TLCD4: variants seen among roughly 807,000 people sequenced by gnomAD.
The protein encoded by TLCD4 is TLC domain containing 4, also known as TLC domain-containing protein 4.
In TLCD4, 7 loss-of-function variants were observed where a neutral mutation model predicts 24.2. The observed-to-expected ratio is 0.29, with a 90% CI of 0.16 to 0.54. TLCD4 has a LOEUF of 0.54. Ranked by LOEUF, TLCD4 falls within the 20% of genes least tolerant of loss-of-function variation. The pLI is 0.95. For missense variants in TLCD4, 259 were observed against 313.9 expected (o/e 0.82, Z 1.32); for synonymous variants, 103 against 106.4 (o/e 0.97, Z 0.20).
At chr1:95,168,863 T>C (rs1354832568) in intron 5 of TLCD4, among the ~76,000 whole-genome samples, 1 of 152,180 alleles carries the variant, frequency 6.6e-6, no homozygotes, top group Non-Finnish European at 1.5e-5. Context: ...ACAGGAAATG[T>C]AGATATTTGC....
chr1:95,115,187 A>G (rs1405709860), upstream of TLCD4, among the ~76,000 whole-genome samples: 2 of 151,182 alleles, frequency 1.3e-5, no homozygotes, highest in African/African-American at 2.4e-5. Context: ...GGCTCACACA[A>G]CCTCTGCCTC....
intron 1 of TLCD4, among the ~76,000 whole-genome samples, chr1:95,123,995 T>G (rs553107496): frequency 6.6e-6 from 1 of 152,336 alleles, no homozygotes; most frequent in Admixed American, 6.5e-5. Flanking sequence ...CACTCAGCAG[T>G]GAAAGCGCAG....
intron 6 of TLCD4, among the ~76,000 whole-genome samples, chr1:95,189,752 T>C (rs534595968): frequency 9.9e-5 from 15 of 152,266 alleles, no homozygotes; most frequent in Non-Finnish European, 2.1e-4. Context: ...TTCCAATGTA[T>C]GGATGTACTA....
At chr1:95,094,005 A>G in the TLCD4 span, among the ~76,000 whole-genome samples, 1 of 152,166 alleles carries the variant, frequency 6.6e-6, no homozygotes, top group Non-Finnish European at 1.5e-5. Flanking sequence ...GGGTTGGCCT[A>G]TGACTTGTTT....
upstream of TLCD4, among the ~76,000 whole-genome samples, chr1:95,113,569 G>C (rs1046423152): frequency 3.3e-5 from 5 of 152,158 alleles, no homozygotes; most frequent in African/African-American, 1.2e-4. Context: ...AGACAGGTGG[G>C]GAGAAGCAGG....
chr1:95,190,702 G>A (rs988230668), intron 6 of TLCD4, among the ~76,000 whole-genome samples: 3 of 152,162 alleles, frequency 2.0e-5, no homozygotes, highest in Non-Finnish European at 4.4e-5. Flanking sequence ...GATTACAGGC[G>A]TGAGCCACTG....
chr1:95,129,933 C>T (rs972957282), intron 1 of TLCD4, among the ~76,000 whole-genome samples: 8 of 152,178 alleles, frequency 5.3e-5, no homozygotes, highest in Non-Finnish European at 1.0e-4. Flanking sequence ...GGTTCTTTAA[C>T]TTGATGCTCA....
At chr1:95,137,420 T>G (rs1677075091) in intron 1 of TLCD4, among the ~76,000 whole-genome samples, 1 of 152,158 alleles carries the variant, frequency 6.6e-6, no homozygotes, top group African/African-American at 2.4e-5. Context: ...GCAGTGGTTC[T>G]CACTGGGGGA....
Position 95,160,705 on chromosome 1 carries a change from C to T in TLCD4, c.399+9286C>T, listed in dbSNP as rs192440332. ...AATACCTAGTTTATTGAGAGTTTTT[C>T]GCATGAAGGCTGTTGAATTTTGTCG... On this transcript the variant is annotated intron_variant, in intron 5 of 6. Transcript: ENST00000370203. 3.3e-3 allele frequency among the ~76,000 whole-genome samples: 501 copies of T among 152,198 alleles called. 3 individuals carry two copies. The highest frequency in any genetic ancestry group is 5.0e-3 in the South Asian group (24 of 4,822).
chr1:95,109,491 A>ATT, the TLCD4 span, among the ~76,000 whole-genome samples: 389 of 139,934 alleles, frequency 2.8e-3, 3 homozygotes, highest in South Asian at 0.012. Context: ...TAAGTTTTGC[A>ATT]TTTTTTTTTT....
intron 5 of TLCD4, among the ~76,000 whole-genome samples, chr1:95,158,743 G>A (rs1398095490): frequency 6.8e-6 from 1 of 146,312 alleles, no homozygotes; most frequent in African/African-American, 2.5e-5. Flanking sequence ...TCACCTATGA[G>A]TGAGAACATG....
chr1:95,157,998 C>T (rs1677679296), intron 5 of TLCD4, among the ~76,000 whole-genome samples: 2 of 151,992 alleles, frequency 1.3e-5, no homozygotes, highest in Non-Finnish European at 2.9e-5. Context: ...CTTGATTTGT[C>T]AATGTTGGGT....
At chr1:95,156,041 T>C (rs1383563042) in intron 5 of TLCD4, among the ~76,000 whole-genome samples, 1 of 151,976 alleles carries the variant, frequency 6.6e-6, no homozygotes, top group African/African-American at 2.4e-5. Flanking sequence ...AAAAAAAAAA[T>C]TGAGTTTGTA....
chr1:95,126,453 G>T (rs1165393961), intron 1 of TLCD4, among the ~76,000 whole-genome samples: 2 of 150,490 alleles, frequency 1.3e-5, no homozygotes, highest in African/African-American at 2.4e-5. Context: ...AAAAAGGCTG[G>T]TAATATCAAG....
intron 5 of TLCD4, among the ~76,000 whole-genome samples, chr1:95,172,139 T>C (rs1678252410): frequency 1.3e-5 from 2 of 152,190 alleles, no homozygotes; most frequent in African/African-American, 2.4e-5. Flanking sequence ...CTTCCGTAAC[T>C]GTGAGACAAT....
chr1:95,126,434 A>G (rs1471903571), intron 1 of TLCD4, among the ~76,000 whole-genome samples: 2 of 386 alleles, frequency 5.2e-3, no homozygotes, highest in East Asian at 0.5. Context: ...TCTCAGGAGA[A>G]AAAAAAAAAA....
In TLCD4 at chr1:95,151,392, G is replaced by A. The variant is rs149526095; in HGVS notation, c.372G>A (p.Ala124=). The A allele has an allele frequency of 2.2e-5, 36 of 1,613,090 alleles. No individual in the cohort carries two copies. The highest frequency in any genetic ancestry group is 2.0e-4 in the African/African-American group (15 of 74,870). ...GDKFFIMHHC[A]SLYAYYLVLK... is the part of the protein sequence containing the mutation. ...AATTTTTTATAATGCATCATTGTGC[G>A]TCCCTGTATGCATACTACCTTGTAC... Residue 124 remains alanine (A), a synonymous_variant, in exon 5 of 7, where the codon GCG becomes GCA. Transcript: ENST00000370203.
At chr1:95,106,515 A>G in the TLCD4 span, among the ~76,000 whole-genome samples, 1 of 152,116 alleles carries the variant, frequency 6.6e-6, no homozygotes, top group Admixed American at 6.6e-5. Flanking sequence ...AGCCTGGGCG[A>G]CATGGTGAAA....
intron 1 of TLCD4, among the ~76,000 whole-genome samples, chr1:95,127,130 T>A (rs1676762616): frequency 6.6e-6 from 1 of 152,244 alleles, no homozygotes; most frequent in Non-Finnish European, 1.5e-5. Context: ...TGTTCTTGCC[T>A]GAGGCTACTT....
Sources: gnomAD v4.1 joint callset for allele counts (sites outside exome capture counted in the v4.1 genomes callset) on GRCh38, gnomAD v4.1.1 for gene constraint, MANE v1.5 for transcripts, NCBI Gene and HGNC (gene_info 2026-07-23, HGNC 2026-07-21) for gene names.